SKIL: variants seen among roughly 807,000 people sequenced by gnomAD.
SKIL encodes SKI like proto-oncogene, also known as ski-like protein.
SKIL carries 20 observed loss-of-function variants against 69.6 expected under a neutral mutation model. The observed-to-expected ratio is 0.29, with a 90% CI of 0.20 to 0.42. The LOEUF is 0.42. Among genes scored for constraint, SKIL ranks in the 10% least tolerant of loss-of-function variants. The probability of loss-of-function intolerance (pLI) is 1.00; values close to 1 mark genes in which losing one functional copy is unlikely to be tolerated. For missense variants in SKIL, 745 were observed against 783.1 expected, an observed-to-expected ratio of 0.95 and a Z score of 0.58; for synonymous variants, 310 against 279.9, an observed-to-expected ratio of 1.11 and a Z score of -1.08.
chr3:170,379,961 C>T (rs1170117701), intron 2 of SKIL, among the ~76,000 whole-genome samples: 37 of 152,048 alleles, frequency 2.4e-4, no homozygotes, highest in Admixed American at 6.6e-5. Context: ...AATTTCTGAA[C>T]GTCAGTTGTT....
At chr3:170,377,566 T>TG (rs1737096132) in intron 2 of SKIL, among the ~76,000 whole-genome samples, 1 of 139,612 alleles carries the variant, frequency 7.2e-6, no homozygotes, top group African/African-American at 2.7e-5. Flanking sequence ...TTTTTTTTTT[T>TG]GAGACAGAGT....
At position 170,381,273 on chromosome 3, in the gene SKIL, G is replaced by A; in HGVS notation, c.1128G>A (p.Gln376=). Residue 376 remains glutamine, a synonymous_variant, in exon 3 of 7, where the codon CAG becomes CAA. Coordinates refer to ENST00000259119, the MANE Select transcript of SKIL (RefSeq NM_005414.5). ...ATGCACCATCAGGAATGGAATTACA[G>A]TCATGGTATCCTGTTATAAAGCAGG... is the stretch of plus-strand genomic sequence containing the variant. ...KTDAPSGMEL[Q]SWYPVIKQEG... 6.3e-7 allele frequency: 1 copy of A among 1,596,026 alleles called. No individual in the cohort carries two copies. Among genetic ancestry groups the A allele is most frequent in the Non-Finnish European group, 8.6e-7 (1 of 1,163,658 alleles).
At chr3:170,371,082 AAAG>A (rs1204371412) in intron 2 of SKIL, among the ~76,000 whole-genome samples, 2 of 152,240 alleles carry the variant, frequency 1.3e-5, no homozygotes, top group Non-Finnish European at 2.9e-5. Context: ...AAAAAAGTAC[AAAG>A]AAGAAAACAC....
chr3:170,380,003 T>G (rs1737248773), intron 2 of SKIL, among the ~76,000 whole-genome samples: 1 of 152,198 alleles, frequency 6.6e-6, no homozygotes, highest in South Asian at 2.1e-4. Context: ...TGATACCTAT[T>G]TAATGGGGGA....
chr3:170,371,925 C>T (rs1471499558), intron 2 of SKIL, among the ~76,000 whole-genome samples: 1 of 152,172 alleles, frequency 6.6e-6, no homozygotes, highest in Non-Finnish European at 1.5e-5. Context: ...TAATCAATCT[C>T]TGTTTTGAAA....
In SKIL at chr3:170,382,413, AT is replaced by A. The variant is rs773770207; in HGVS notation, c.1196+1091del. Among the ~76,000 whole-genome samples, 960 of 119,056 alleles carry A rather than the reference AT, an allele frequency of 8.1e-3. 5 individuals are homozygous for A. The highest frequency in any genetic ancestry group is 0.044 in the Middle Eastern group (8 of 182). 78.1% of individuals were successfully genotyped at this position (119,056 alleles called of 152,430 possible). On this transcript the variant is annotated intron_variant, in intron 3 of 6. Transcript: ENST00000259119. ...TTCAAGAATTTGGTGTGCAACTTTG[AT>A]TTTTTTTTTTTTTTTTTTGAGACAA... is the stretch of plus-strand genomic sequence containing the variant.
rs1334704227 is a variant in SKIL at position 170,371,633 on chromosome 3, A to AG, written c.1099-9608dup. Among the ~76,000 whole-genome samples, 3 of 152,366 alleles carry AG rather than the reference A, an allele frequency of 2.0e-5. No homozygotes were observed. In the East Asian group the frequency reaches 5.8e-4, roughly 29 times the overall value. ...TGTCATTCATGTAGCCATCTCAAGC[A>AG]GGGTTCCATAAGGGGAGATTTAAGC... On this transcript the variant is annotated intron_variant, in intron 2 of 6. Coordinates refer to ENST00000259119, the MANE Select transcript of SKIL (RefSeq NM_005414.5).
intron 2 of SKIL, among the ~76,000 whole-genome samples, chr3:170,361,788 T>C (rs1350063813): frequency 6.6e-6 from 1 of 151,100 alleles, no homozygotes; most frequent in African/African-American, 2.4e-5. Flanking sequence ...GGTTTCAGCA[T>C]GTTGGCCAGG....
At chr3:170,389,541 C>T (rs1737807369) in intron 4 of SKIL, among the ~76,000 whole-genome samples, 1 of 151,226 alleles carries the variant, frequency 6.6e-6, no homozygotes, top group Admixed American at 6.6e-5. Flanking sequence ...GTCTCAATCT[C>T]CTGACGTCGT....
intron 1 of SKIL, among the ~76,000 whole-genome samples, chr3:170,358,023 G>A (rs1736019513): frequency 6.6e-6 from 1 of 151,932 alleles, no homozygotes; most frequent in African/African-American, 2.4e-5. Context: ...CGGCAGGGCA[G>A]GGCGCTGTAG....
chr3:170,387,017 TTTTC>T (rs1255507947), intron 4 of SKIL, among the ~76,000 whole-genome samples: 1 of 152,060 alleles, frequency 6.6e-6, no homozygotes, highest in Non-Finnish European at 1.5e-5. Flanking sequence ...TAATGTTTTC[TTTTC>T]TTTCTTTTTT....
In SKIL at chr3:170,381,271, C is replaced by T; in HGVS notation, c.1126C>T (p.Gln376Ter). 6.3e-7 allele frequency: 1 copy of T among 1,592,504 alleles called. No individual in the cohort carries two copies. The highest frequency in any genetic ancestry group is 8.6e-7 in the Non-Finnish European group (1 of 1,160,408). ...AGATGCACCATCAGGAATGGAATTA[C>T]AGTCATGGTATCCTGTTATAAAGCA... Reference protein sequence around the residue: ...KTDAPSGMELQSWYPVIKQEG... With the variant: ...KTDAPSGMEL Residue 376 changes from glutamine to a stop codon, truncating the protein, a stop_gained, in exon 3 of 7, where the codon CAG (glutamine) becomes TAG (stop). Transcript: ENST00000259119. LOFTEE classifies it high-confidence loss of function.
chr3:170,358,244 G>A (rs1158673477), intron 1 of SKIL, among the ~76,000 whole-genome samples: 2 of 152,080 alleles, frequency 1.3e-5, no homozygotes, highest in Non-Finnish European at 2.9e-5. Flanking sequence ...TAGGGGCGCT[G>A]AGGTGACACC....
intron 4 of SKIL, among the ~76,000 whole-genome samples, chr3:170,388,548 T>C (rs946547880): frequency 3.4e-4 from 52 of 152,202 alleles, no homozygotes; most frequent in African/African-American, 1.2e-3. Flanking sequence ...TCCTTTCACC[T>C]CAGCCTCCCA....
intron 4 of SKIL, chr3:170,385,101 T>A (rs1737551740): frequency 5.4e-6 from 1 of 186,730 alleles, no homozygotes; most frequent in Admixed American, 5.5e-5. Context: ...TTTCTTTTTT[T>A]GTGACAGAGT....
At chr3:170,380,492 A>G (rs932630778) in intron 2 of SKIL, among the ~76,000 whole-genome samples, 2 of 151,974 alleles carry the variant, frequency 1.3e-5, no homozygotes, top group East Asian at 3.9e-4. Flanking sequence ...AGAATACAAA[A>G]AATTAGCTGG....
At chr3:170,376,953 T>C (rs914799575) in intron 2 of SKIL, among the ~76,000 whole-genome samples, 7 of 152,154 alleles carry the variant, frequency 4.6e-5, no homozygotes, top group African/African-American at 1.7e-4. Flanking sequence ...TATATTAAAT[T>C]ATTTGCCCCG....
chr3:170,360,507 A>T lies in SKIL; in HGVS notation c.176A>T (p.Glu59Val). Reference protein sequence around the residue: ...VKKEHLDDYGEAPVETDGEHV... With the variant: ...VKKEHLDDYGVAPVETDGEHV... ...AAGGAACACTTGGATGACTATGGAG[A>T]AGCACCAGTGGAAACTGATGGAGAG... Residue 59 changes from glutamate to valine, a missense_variant, in exon 2 of 7, where the codon GAA becomes GTA. Glu to Val is a moderately radical substitution (Grantham distance 121, BLOSUM62 -2). Transcript: ENST00000259119. 6.2e-7 allele frequency: 1 copy of T among 1,614,154 alleles called. No homozygotes were observed. The highest frequency in any genetic ancestry group is 1.1e-5 in the South Asian group (1 of 91,080).
In SKIL at chr3:170,392,333, A is replaced by G. The variant is rs376443581; in HGVS notation, c.1971A>G (p.Glu657=). ...RQELQDELRQ[E]REARQKLEMM... is the part of the protein sequence containing the mutation. ...AACTCCAAGATGAACTCAGACAGGA[A>G]CGGGAAGCAAGACAGAAGTTAGAGA... The change falls in exon 7 of 7, where the codon GAA becomes GAG. Residue 657 remains glutamate (E), a synonymous_variant. Coordinates refer to ENST00000259119, the MANE Select transcript of SKIL (RefSeq NM_005414.5). The G allele has an allele frequency of 3.1e-5, 50 of 1,613,244 alleles. No homozygotes were observed. In the East Asian group the frequency reaches 3.8e-4, roughly 12 times the overall value.
Sources: gnomAD v4.1 joint callset for allele counts (sites outside exome capture counted in the v4.1 genomes callset) on GRCh38, gnomAD v4.1.1 for gene constraint, MANE v1.5 for transcripts, NCBI Gene and HGNC (gene_info 2026-07-23, HGNC 2026-07-21) for gene names.